TACR1: variants seen among roughly 807,000 people sequenced by gnomAD.
TACR1 encodes the protein tachykinin receptor 1.
Under a neutral mutation model 35.8 loss-of-function variants are expected in TACR1, and 25 were observed. That is an observed-to-expected ratio of 0.70 (90% CI 0.51 to 0.98). TACR1 has a LOEUF of 0.98. Among genes scored for constraint, TACR1 ranks in the 50% least tolerant of loss-of-function variants. TACR1 has a pLI of 0.00. For missense variants in TACR1, 478 were observed against 522.9 expected (o/e 0.91, Z 0.84); for synonymous variants, 195 against 206.7 (o/e 0.94, Z 0.48).
rs563352308 is a variant in TACR1, at chr2:75,145,132, A to T, written c.390-24364T>A. 1.7e-4 allele frequency among the ~76,000 whole-genome samples: 26 copies of T among 152,292 alleles called. 1 individual carries two copies. The South Asian group carries it at 5.4e-3, about 32-fold the overall frequency. On this transcript the variant is annotated intron_variant, in intron 1 of 4. Transcript: ENST00000305249. ...TTAATATCATTTATTGTATGATTAG[A>T]TCAAAAGAGAAAAAATTTATAATCA...
At chr2:75,166,422 T>C (rs1243657399) in intron 1 of TACR1, among the ~76,000 whole-genome samples, 2 of 152,222 alleles carry the variant, frequency 1.3e-5, no homozygotes, top group Non-Finnish European at 2.9e-5. Context: ...ATATGAAGGC[T>C]GCTTTAAGAA....
chr2:75,162,073 CTG>C (rs1238287825), intron 1 of TACR1, among the ~76,000 whole-genome samples: 3 of 139,834 alleles, frequency 2.1e-5, no homozygotes, highest in East Asian at 4.3e-4. Flanking sequence ...AGAAGTGAGT[CTG>C]TGTTGGGGGG....
intron 1 of TACR1, among the ~76,000 whole-genome samples, chr2:75,149,566 T>C (rs566212977): frequency 6.6e-6 from 1 of 152,172 alleles, no homozygotes; most frequent in East Asian, 1.9e-4. Flanking sequence ...ATAGGAACAT[T>C]TGTGATTTTT....
In TACR1 at chr2:75,138,284, G is replaced by T. The variant is rs192678089; in HGVS notation, c.390-17516C>A. Among the ~76,000 whole-genome samples the T allele has an allele frequency of 3.3e-5, 5 of 152,350 alleles. No homozygotes were observed. In the East Asian group the frequency reaches 9.6e-4, roughly 29 times the overall value. On this transcript the variant is annotated intron_variant, in intron 1 of 4. Coordinates refer to ENST00000305249, the MANE Select transcript of TACR1 (RefSeq NM_001058.4). The stretch of plus-strand genomic sequence containing the variant: ...ACAGATTTTAGCATTGCTGCTGGCA[G>T]TTATTTATCTTCACCACCTCCTATG...
chr2:75,158,853 C>G (rs562808212), intron 1 of TACR1, among the ~76,000 whole-genome samples: 33 of 152,282 alleles, frequency 2.2e-4, no homozygotes, highest in African/African-American at 6.5e-4. Context: ...TCCCATGTCC[C>G]AGGCCTGGCT....
At position 75,170,104 on chromosome 2, in the gene TACR1, C is replaced by T. The variant is rs188198656; in HGVS notation, c.389+28442G>A. Among the ~76,000 whole-genome samples the T allele has an allele frequency of 5.6e-3, 859 of 152,208 alleles. 8 individuals carry two copies. The highest frequency in any genetic ancestry group is 0.02 in the African/African-American group (810 of 41,506). On this transcript the variant is annotated intron_variant, in intron 1 of 4. Coordinates refer to ENST00000305249, the MANE Select transcript of TACR1 (RefSeq NM_001058.4). ...ATTCAGAGAACCTAATGCAGTGATA[C>T]GGTTTGGTTGTGTCCCCACCCAAAT... is the stretch of plus-strand genomic sequence containing the variant.
At chr2:75,080,707 C>T (rs1176243135) in intron 2 of TACR1, among the ~76,000 whole-genome samples, 2 of 152,122 alleles carry the variant, frequency 1.3e-5, no homozygotes, top group Non-Finnish European at 2.9e-5. Context: ...GCAGGGTTAG[C>T]AGATCCATTG....
intron 1 of TACR1, among the ~76,000 whole-genome samples, chr2:75,161,605 A>G (rs1675011346): frequency 6.6e-6 from 1 of 152,196 alleles, no homozygotes; most frequent in Non-Finnish European, 1.5e-5. Context: ...GAGACAAAAC[A>G]AAGTCAAAGA....
At chr2:75,130,084 A>G (rs1177340137) in intron 1 of TACR1, among the ~76,000 whole-genome samples, 2 of 152,166 alleles carry the variant, frequency 1.3e-5, no homozygotes, top group Non-Finnish European at 2.9e-5. Context: ...TTAATCATAG[A>G]TTTTTGTGCA....
intron 1 of TACR1, among the ~76,000 whole-genome samples, chr2:75,145,935 T>C: frequency 6.6e-6 from 1 of 152,098 alleles, no homozygotes; most frequent in East Asian, 1.9e-4. Context: ...GTTACTATTG[T>C]AGAGTGGTTG....
intron 1 of TACR1, chr2:75,154,307 C>G (rs771766785): frequency 6.6e-6 from 1 of 152,108 alleles, no homozygotes; most frequent in Non-Finnish European, 1.5e-5. Context: ...AACCTCCAGA[C>G]TGAGCATGTC....
intron 1 of TACR1, among the ~76,000 whole-genome samples, chr2:75,159,848 T>C (rs1372606829): frequency 6.6e-6 from 1 of 152,164 alleles, no homozygotes; most frequent in African/African-American, 2.4e-5. Context: ...GGGAGTTATA[T>C]TGAATCCTGG....
At chr2:75,138,716 A>G (rs1194133343) in intron 1 of TACR1, among the ~76,000 whole-genome samples, 1 of 152,118 alleles carries the variant, frequency 6.6e-6, no homozygotes, top group Admixed American at 6.5e-5. Context: ...TCAAATATGT[A>G]GTCTTGATCC....
chr2:75,184,917 T>C (rs1455534075), intron 1 of TACR1, among the ~76,000 whole-genome samples: 1 of 151,892 alleles, frequency 6.6e-6, no homozygotes, highest in Non-Finnish European at 1.5e-5. Flanking sequence ...ATGCTAATAA[T>C]TCTTTCCAAA....
At chr2:75,119,906 G>A (rs1331359463) in intron 2 of TACR1, among the ~76,000 whole-genome samples, 1 of 152,216 alleles carries the variant, frequency 6.6e-6, no homozygotes, top group Non-Finnish European at 1.5e-5. Context: ...ATATAGGGAA[G>A]ATGCAGTGGC....
intron 1 of TACR1, among the ~76,000 whole-genome samples, chr2:75,136,201 C>T (rs1327537610): frequency 6.6e-6 from 1 of 152,198 alleles, no homozygotes; most frequent in Non-Finnish European, 1.5e-5. Context: ...GCCCTCTGTA[C>T]AGCCCTCACT....
Position 75,072,580 on chromosome 2 carries a change from C to T in TACR1, c.585-18825G>A, listed in dbSNP as rs142933786. 4.2e-3 allele frequency among the ~76,000 whole-genome samples: 644 copies of T among 152,342 alleles called. 4 individuals are homozygous for T. Among genetic ancestry groups the T allele is most frequent in the African/African-American group, 0.015 (604 of 41,586 alleles). On this transcript the variant is annotated intron_variant, in intron 2 of 4. Transcript: ENST00000305249. Reference sequence around the variant, plus strand: ...GGCATTGGCCAGATTAGTAGGGTCGCAGATCACAATCAGATATGGCACCTG... The same window carrying T: ...GGCATTGGCCAGATTAGTAGGGTCGTAGATCACAATCAGATATGGCACCTG...
chr2:75,138,109 G>T (rs369762136), intron 1 of TACR1, among the ~76,000 whole-genome samples: 2 of 152,306 alleles, frequency 1.3e-5, no homozygotes, highest in African/African-American at 4.8e-5. Flanking sequence ...GGAAACTGGG[G>T]TTCGTGGATA....
intron 2 of TACR1, 28 bp from the exon 3 acceptor site, chr2:75,053,783 G>A: frequency 6.2e-7 from 1 of 1,613,918 alleles, no homozygotes; most frequent in East Asian, 2.2e-5. Flanking sequence ...GGAAAGGTCA[G>A]TATGATATAC....
Sources: allele counts gnomAD v4.1 joint callset (sites outside exome capture counted in the v4.1 genomes callset), GRCh38; gene constraint gnomAD v4.1.1; transcripts MANE v1.5; gene names NCBI Gene and HGNC (gene_info 2026-07-23, HGNC 2026-07-21).